Variants in VPS8 observed in about 807,000 individuals in gnomAD.
VPS8 encodes the protein VPS8 subunit of CORVET complex, also known as vacuolar protein sorting-associated protein 8 homolog.
Under a neutral mutation model 216.4 loss-of-function variants are expected in VPS8, and 129 were observed. The ratio of observed to expected loss-of-function variants is 0.60; its 90% CI spans 0.52 to 0.69. The LOEUF is 0.69. Ranked by LOEUF, VPS8 falls within the 30% of genes least tolerant of loss-of-function variation. The pLI, the probability that VPS8 is intolerant of heterozygous loss-of-function variation, is 0.00. For synonymous variants in VPS8, 571 were observed against 565.4 expected, an observed-to-expected ratio of 1.01 and a Z score of -0.14; for missense variants, 1,531 against 1,683.5, an observed-to-expected ratio of 0.91 and a Z score of 1.59.
At chr3:184,992,017 G>T (rs1036401195) in intron 42 of VPS8, among the ~76,000 whole-genome samples, 4 of 152,140 alleles carry the variant, frequency 2.6e-5, no homozygotes, top group Non-Finnish European at 5.9e-5. Context: ...TTGTGCCTTG[G>T]ATTTCTTCAG....
intron 22 of VPS8, among the ~76,000 whole-genome samples, 174 bp from the exon 23 acceptor site, chr3:184,894,529 T>TATATATATATATATATAC (rs1406437015): frequency 6.9e-6 from 1 of 144,064 alleles, no homozygotes; most frequent in Non-Finnish European, 1.5e-5. Context: ...TATATATATA[T>TATATATATATATATATAC]ATACACACAC....
At chr3:184,967,268 A>G (rs1747576739) in intron 39 of VPS8, among the ~76,000 whole-genome samples, 1 of 152,184 alleles carries the variant, frequency 6.6e-6, no homozygotes, top group Non-Finnish European at 1.5e-5. Flanking sequence ...TAGGCTGGTT[A>G]TCTTTTTGTT....
At position 184,999,825 on chromosome 3, in the gene VPS8, A is replaced by T; in HGVS notation, c.3966A>T (p.Ser1322=). The change falls in exon 45 of 48, where the codon TCA becomes TCT. Residue 1322 remains serine, a synonymous_variant. Transcript: ENST00000625842. The part of the protein sequence containing the change: ...SNKVGKLSEN[S]SEIKKGRITP... ...AAGTAGGAAAACTCAGTGAAAATTC[A>T]TCTGAAATTAAAAAGGGAAGGATAA... 6.2e-7 allele frequency: 1 copy of T among 1,611,662 alleles called. No homozygotes were observed. The highest frequency in any genetic ancestry group is 8.5e-7 in the Non-Finnish European group (1 of 1,179,144).
At chr3:184,981,609 T>C (rs1245011666) in intron 40 of VPS8, among the ~76,000 whole-genome samples, 1 of 152,018 alleles carries the variant, frequency 6.6e-6, no homozygotes, top group Non-Finnish European at 1.5e-5. Context: ...AATTTTTTTG[T>C]ATTTTTAGTA....
At chr3:184,966,883 A>G (rs1421053979) in intron 39 of VPS8, among the ~76,000 whole-genome samples, 170 bp downstream of exon 39, 1 of 152,230 alleles carries the variant, frequency 6.6e-6, no homozygotes, top group Non-Finnish European at 1.5e-5. Context: ...AGAGTTCACA[A>G]CAGGAAATCA....
Position 184,952,908 on chromosome 3 carries a change from C to T in VPS8, c.3036-4466C>T. ...AGGAGGAGCAAGAGTCTGGTCACAA[C>T]CTCAGACAGTTGGCTAAAGGCAATG... is the stretch of plus-strand genomic sequence containing the variant. On this transcript the variant is annotated intron_variant, in intron 36 of 47. Transcript: ENST00000625842. Among the ~76,000 whole-genome samples the T allele has an allele frequency of 1.3e-5, 2 of 152,160 alleles. 1 individual carries two copies. Among genetic ancestry groups the T allele is most frequent in the Non-Finnish European group, 2.9e-5 (2 of 68,026 alleles).
Position 185,041,253 on chromosome 3 carries a change from A to G in VPS8, c.4057-7226A>G, listed in dbSNP as rs115151809. 4.8e-3 allele frequency among the ~76,000 whole-genome samples: 723 copies of G among 151,752 alleles called. 5 individuals carry two copies. The highest frequency in any genetic ancestry group is 0.016 in the African/African-American group (669 of 41,436). ...GGATAGAGCCTTACAGCTCATCATC[A>G]GAGACTTAGCTAACATCATTTATTA... On this transcript the variant is annotated intron_variant, in intron 46 of 47. Transcript: ENST00000625842.
chr3:184,887,710 T>C (rs1731542876), intron 22 of VPS8, among the ~76,000 whole-genome samples: 1 of 152,208 alleles, frequency 6.6e-6, no homozygotes, highest in Non-Finnish European at 1.5e-5. Flanking sequence ...AGATTTAATG[T>C]AGATGCTCCC....
chr3:184,889,317 C>A (rs1731896926), intron 22 of VPS8, among the ~76,000 whole-genome samples: 1 of 152,082 alleles, frequency 6.6e-6, no homozygotes, highest in African/African-American at 2.4e-5. Flanking sequence ...TGTTGGAGAT[C>A]TCAGAAATAA....
intron 46 of VPS8, among the ~76,000 whole-genome samples, chr3:185,033,058 C>T (rs1332713398): frequency 2.6e-5 from 4 of 152,116 alleles, no homozygotes; most frequent in Admixed American, 1.3e-4. Context: ...CCCTCCCCAC[C>T]CCCACAGTTG....
At chr3:185,034,270 C>T (rs1390488540) in intron 46 of VPS8, among the ~76,000 whole-genome samples, 1 of 152,172 alleles carries the variant, frequency 6.6e-6, no homozygotes, top group African/African-American at 2.4e-5. Flanking sequence ...TTTCTTTATA[C>T]AGTCTACCAT....
chr3:184,953,238 G>GA (rs1745021163), intron 36 of VPS8, among the ~76,000 whole-genome samples: 1 of 152,192 alleles, frequency 6.6e-6, no homozygotes, highest in Admixed American at 6.5e-5. Context: ...AGACATCCCT[G>GA]ATGGCTTACA....
Position 184,996,389 on chromosome 3 carries a change from A to G in VPS8, c.3724A>G (p.Asn1242Asp). The G allele has an allele frequency of 1.2e-6, 2 of 1,613,918 alleles. No individual in the cohort carries two copies. Among genetic ancestry groups the G allele is most frequent in the Non-Finnish European group, 1.7e-6 (2 of 1,179,822 alleles). The change falls in exon 44 of 48, where the codon AAC becomes GAC. Residue 1242 changes from asparagine (N) to aspartate (D), a missense_variant. This residue lies in a region of VPS8 where 1,318 missense variants were observed against 1,468.4 expected (regional missense o/e 0.90). Transcript: ENST00000625842. ...LNQDLHWSLC[N>D]LRASVTRGLN... Reference sequence around the variant, plus strand: ...CCAAGATCTCCATTGGTCATTGTGTAACCTGAGAGCTTCGGTCACCAGAGG... The same window carrying G: ...CCAAGATCTCCATTGGTCATTGTGTGACCTGAGAGCTTCGGTCACCAGAGG...
chr3:185,034,672 TTTTTGC>T (rs1480016029), intron 46 of VPS8, among the ~76,000 whole-genome samples: 2 of 152,102 alleles, frequency 1.3e-5, no homozygotes, highest in African/African-American at 2.4e-5. Flanking sequence ...TTTGTTTTTG[TTTTTGC>T]TTTTGCTTTT....
At chr3:184,971,228 A>C (rs528605007) in intron 39 of VPS8, among the ~76,000 whole-genome samples, 16 of 152,360 alleles carry the variant, frequency 1.1e-4, no homozygotes, top group African/African-American at 3.8e-4. Flanking sequence ...AGTTGAAACA[A>C]GAATGGCTGA....
At chr3:184,885,854 T>C (rs1731122047) in intron 21 of VPS8, 1 of 331,772 alleles carries the variant, frequency 3.0e-6, no homozygotes, top group Non-Finnish European at 5.5e-6. Flanking sequence ...GTTAGAAAGA[T>C]GCAGTGAACA....
chr3:184,918,281 AT>A (rs1194493662), intron 28 of VPS8, among the ~76,000 whole-genome samples: 1 of 152,166 alleles, frequency 6.6e-6, no homozygotes, highest in African/African-American at 2.4e-5. Flanking sequence ...TGCTATCATT[AT>A]TTTACAGAAG....
At chr3:184,936,476 T>C (rs1241431494) in intron 35 of VPS8, 141 bp downstream of exon 35, 2 of 776,914 alleles carry the variant, frequency 2.6e-6, no homozygotes, top group East Asian at 5.4e-5. Flanking sequence ...CAAAAGTGAT[T>C]GTGGTTTTTG....
chr3:184,993,962 A>G (rs1428146269), intron 42 of VPS8, 21 bp from the exon 43 acceptor site: 3 of 1,512,360 alleles, frequency 2.0e-6, no homozygotes, highest in East Asian at 2.4e-5. Flanking sequence ...TTGTAACAGA[A>G]TTGTAATTTT....
Sources: gnomAD v4.1 joint callset for allele counts (sites outside exome capture counted in the v4.1 genomes callset) on GRCh38, gnomAD v4.1.1 for gene constraint, gnomAD v4.1.1 regional missense constraint, MANE v1.5 for transcripts, NCBI Gene and HGNC (gene_info 2026-07-23, HGNC 2026-07-21) for gene names.